CCSER1: variants seen among roughly 807,000 people sequenced by gnomAD.
The protein encoded by CCSER1 is serine-rich coiled-coil domain-containing protein 1.
A neutral mutation model predicts 82.0 loss-of-function variants in CCSER1; 41 were observed. The ratio of observed to expected loss-of-function variants is 0.50; its 90% confidence interval spans 0.39 to 0.65. CCSER1 has a LOEUF of 0.65. Among genes scored for constraint, CCSER1 ranks in the 30% least tolerant of loss-of-function variants. The probability of loss-of-function intolerance (pLI) is 0.00; values close to 1 mark genes in which losing one functional copy is unlikely to be tolerated. For synonymous variants in CCSER1, 414 were observed against 383.9 expected (o/e 1.08, Z -0.92); for missense variants, 1,119 against 1,064.2 (o/e 1.05, Z -0.72).
rs142023861 is a variant in CCSER1 at position 91,583,761 on chromosome 4, A to T, written c.2218-14811A>T. 1.9e-3 allele frequency among the ~76,000 whole-genome samples: 294 copies of T among 151,610 alleles called. 1 individual carries two copies. Among genetic ancestry groups the T allele is most frequent in the Non-Finnish European group, 3.3e-3 (225 of 67,616 alleles). On this transcript the variant is annotated intron_variant, in intron 10 of 10. Coordinates refer to ENST00000509176, the MANE Select transcript of CCSER1 (RefSeq NM_001145065.2). ...CAAAGTTTTAAACAATTATTTTGAT[A>T]GATCAGATGTCTCCTGTGAGATAGA...
At chr4:90,826,749 A>G (rs1365724598) in intron 8 of CCSER1, among the ~76,000 whole-genome samples, 2 of 152,214 alleles carry the variant, frequency 1.3e-5, no homozygotes, top group African/African-American at 2.4e-5. Flanking sequence ...TATAAATTAC[A>G]GAGAGATTAC....
chr4:90,255,039 C>T (rs1448861753), intron 1 of CCSER1, among the ~76,000 whole-genome samples: 1 of 151,340 alleles, frequency 6.6e-6, no homozygotes, highest in Non-Finnish European at 1.5e-5. Flanking sequence ...TTGATTCTAC[C>T]AGCATTTATT....
rs150679931 is a variant in CCSER1, at chr4:90,281,322, G to A, written c.-41-26922G>A. ...GATGGAGGGTAGGACAGGGTTTTTC[G>A]TAGGGACAGGGTTTTTCCATGTTGC... On this transcript the variant is annotated intron_variant, in intron 1 of 10. Coordinates refer to ENST00000509176, the MANE Select transcript of CCSER1 (RefSeq NM_001145065.2). Among the ~76,000 whole-genome samples the A allele has an allele frequency of 3.4e-4, 52 of 151,964 alleles. No homozygotes were observed. In the East Asian group the frequency reaches 4.7e-3, roughly 14 times the overall value.
chr4:90,799,849 T>C (rs1756557932), intron 7 of CCSER1, among the ~76,000 whole-genome samples: 1 of 152,180 alleles, frequency 6.6e-6, no homozygotes, highest in South Asian at 2.1e-4. Context: ...CACAAGTGTC[T>C]GTAGTGGTCA....
chr4:90,821,892 T>C (rs926510952), intron 8 of CCSER1, among the ~76,000 whole-genome samples: 1 of 152,130 alleles, frequency 6.6e-6, no homozygotes, highest in Non-Finnish European at 1.5e-5. Flanking sequence ...ATTTGAGATA[T>C]TTGTCATAAA....
chr4:91,465,585 A>C (rs1332215704), intron 10 of CCSER1, among the ~76,000 whole-genome samples: 3 of 152,200 alleles, frequency 2.0e-5, no homozygotes, highest in African/African-American at 7.2e-5. Flanking sequence ...GAAAAGATCA[A>C]CAAAATTGAT....
chr4:91,295,576 T>C (rs770552075), intron 10 of CCSER1, among the ~76,000 whole-genome samples: 1 of 151,948 alleles, frequency 6.6e-6, no homozygotes, highest in Non-Finnish European at 1.5e-5. Context: ...TTTATTATTT[T>C]ACAAAGATCA....
chr4:90,800,804 AT>A (rs1378870995), intron 7 of CCSER1, among the ~76,000 whole-genome samples: 7 of 152,192 alleles, frequency 4.6e-5, no homozygotes, highest in Non-Finnish European at 1.0e-4. Flanking sequence ...TTTGGTTCTC[AT>A]TCTTCTACAT....
In CCSER1 at chr4:91,491,761, T is replaced by C. The variant is rs550011811; in HGVS notation, c.2218-106811T>C. On this transcript the variant is annotated intron_variant, in intron 10 of 10. Coordinates refer to ENST00000509176, the MANE Select transcript of CCSER1 (RefSeq NM_001145065.2). Reference sequence around the variant, plus strand: ...TTCCTATTATTAAAGAATAAAACTTTTACTCATGTGACTACCCTACCAGAT... The same window carrying C: ...TTCCTATTATTAAAGAATAAAACTTCTACTCATGTGACTACCCTACCAGAT... Among the ~76,000 whole-genome samples the C allele has an allele frequency of 7.9e-5, 12 of 152,162 alleles. No homozygotes were observed. The East Asian group carries it at 1.9e-3, about 24-fold the overall frequency.
chr4:91,441,489 C>A (rs1471880057), intron 10 of CCSER1, among the ~76,000 whole-genome samples: 1 of 151,972 alleles, frequency 6.6e-6, no homozygotes, highest in African/African-American at 2.4e-5. Flanking sequence ...TAAGAGCTAT[C>A]TATGACAAAC....
chr4:91,317,334 T>C (rs1227948109), intron 10 of CCSER1, among the ~76,000 whole-genome samples: 1 of 151,958 alleles, frequency 6.6e-6, no homozygotes, highest in African/African-American at 2.4e-5. Flanking sequence ...GAATTTTTCC[T>C]CCAGATATCC....
chr4:91,339,712 C>T (rs1402241678), intron 10 of CCSER1, among the ~76,000 whole-genome samples: 1 of 152,150 alleles, frequency 6.6e-6, no homozygotes, highest in East Asian at 1.9e-4. Flanking sequence ...CAGCTCTCCC[C>T]CTCTTCTCTG....
intron 10 of CCSER1, among the ~76,000 whole-genome samples, chr4:91,176,817 C>A (rs1400669482): frequency 2.0e-5 from 3 of 152,188 alleles, no homozygotes; most frequent in Non-Finnish European, 4.4e-5. Context: ...TTATTTCTTT[C>A]TCCTGCCTGA....
At chr4:90,176,484 C>T (rs1295697022) in intron 1 of CCSER1, among the ~76,000 whole-genome samples, 2 of 151,838 alleles carry the variant, frequency 1.3e-5, no homozygotes, top group Non-Finnish European at 2.9e-5. Context: ...TTGAACATAC[C>T]CACTTATTAA....
At chr4:91,443,491 T>A (rs1755338660) in intron 10 of CCSER1, among the ~76,000 whole-genome samples, 1 of 112,882 alleles carries the variant, frequency 8.9e-6, no homozygotes, top group South Asian at 2.9e-4. Flanking sequence ...AACATCACAC[T>A]CTGGGGACTG....
chr4:90,521,103 A>T (rs1040213081), intron 5 of CCSER1, among the ~76,000 whole-genome samples: 1 of 152,190 alleles, frequency 6.6e-6, no homozygotes, highest in African/African-American at 2.4e-5. Flanking sequence ...TTGAAAAATA[A>T]ACACTCAATT....
intron 10 of CCSER1, among the ~76,000 whole-genome samples, chr4:91,275,959 G>A (rs1373619221): frequency 1.3e-5 from 2 of 151,946 alleles, no homozygotes; most frequent in African/African-American, 2.4e-5. Context: ...GTCAAAATTA[G>A]TTAACTATAA....
intron 10 of CCSER1, among the ~76,000 whole-genome samples, chr4:91,446,596 T>C (rs1033202037): frequency 6.7e-6 from 1 of 149,752 alleles, no homozygotes; most frequent in Non-Finnish European, 1.5e-5. Flanking sequence ...TGTGTGTGTG[T>C]GTGCATCTTT....
Position 90,395,915 on chromosome 4 carries a change from C to CAA in CCSER1, c.1510-4106_1510-4105dup, listed in dbSNP as rs57765593. Among the ~76,000 whole-genome samples the CAA allele has an allele frequency of 7.4e-3, 755 of 102,050 alleles. 3 individuals carry two copies. The highest frequency in any genetic ancestry group is 0.013 in the Non-Finnish European group (588 of 45,882). The allele number at this position is 102,050 out of a possible 152,430, so 66.9% of individuals were successfully genotyped here. ...TGAAACCCCGTCTCTACTAAAAATA[C>CAA]AAAAAAAAAAAAAAAAGTAGCTGGG... On this transcript the variant is annotated intron_variant, in intron 3 of 10. Coordinates refer to ENST00000509176, the MANE Select transcript of CCSER1 (RefSeq NM_001145065.2).
Sources: gnomAD v4.1 joint callset for allele counts (sites outside exome capture counted in the v4.1 genomes callset) on GRCh38, gnomAD v4.1.1 for gene constraint, MANE v1.5 for transcripts, NCBI Gene and HGNC (gene_info 2026-07-23, HGNC 2026-07-21) for gene names.